The following RGL1 variants were observed in gnomAD, a reference collection of about 807,000 sequenced individuals.
RGL1 encodes the protein ral guanine nucleotide dissociation stimulator like 1.
A neutral mutation model predicts 95.2 loss-of-function variants in RGL1; 24 were observed. That is an observed-to-expected ratio of 0.25 (90% CI 0.18 to 0.35). RGL1 has a LOEUF of 0.35. Among genes scored for constraint, RGL1 ranks in the 10% least tolerant of loss-of-function variants. The pLI is 1.00. For synonymous variants in RGL1, 329 were observed against 344.9 expected (o/e 0.95, Z 0.51); for missense variants, 715 against 936.3 (o/e 0.76, Z 3.08).
Position 183,649,427 on chromosome 1 carries a change from G to T in RGL1, c.-33+12926G>T, listed in dbSNP as rs116524625. Among the ~76,000 whole-genome samples the T allele has an allele frequency of 8.6e-3, 1,314 of 152,266 alleles. 22 individuals carry two copies. Among genetic ancestry groups the T allele is most frequent in the African/African-American group, 0.029 (1,223 of 41,560 alleles). The stretch of plus-strand genomic sequence containing the variant: ...ATGTTAACATCTAATGTATTGTGCA[G>T]AACTATTCAGTGTGCTTGCATTTAA... On this transcript the variant is annotated intron_variant, in intron 1 of 18. Coordinates refer to the RGL1 transcript ENST00000304685.
intron 4 of RGL1, among the ~76,000 whole-genome samples, 186 bp downstream of exon 4, chr1:183,866,259 ACT>A: frequency 6.6e-6 from 1 of 152,178 alleles, no homozygotes; most frequent in East Asian, 1.9e-4. Flanking sequence ...TTAAGTAACC[ACT>A]GTCTGCCAGG....
At chr1:183,892,318 A>G (rs1667472290) in intron 9 of RGL1, among the ~76,000 whole-genome samples, 157 bp downstream of exon 9, 1 of 152,106 alleles carries the variant, frequency 6.6e-6, no homozygotes, top group Admixed American at 6.6e-5. Flanking sequence ...AATCTAAGAA[A>G]CTTGGGGCTG....
chr1:183,688,612 T>A (rs958207123), intron 1 of RGL1, among the ~76,000 whole-genome samples: 5 of 152,194 alleles, frequency 3.3e-5, no homozygotes, highest in African/African-American at 1.2e-4. Context: ...AGACTATTGA[T>A]GCATTTTAAT....
chr1:183,906,981 T>C (rs758544030), intron 13 of RGL1, 31 bp from the exon 14 acceptor site: 2 of 1,287,848 alleles, frequency 1.6e-6, no homozygotes, highest in Non-Finnish European at 2.3e-6. Flanking sequence ...TCTCTAACTT[T>C]GACCTCATGG....
chr1:183,898,042 C>T (rs1667802208), intron 10 of RGL1, 145 bp downstream of exon 10: 1 of 651,788 alleles, frequency 1.5e-6, no homozygotes, highest in Non-Finnish European at 2.7e-6. Flanking sequence ...CATTTGTTCT[C>T]AGCAGCCCTG....
intron 3 of RGL1, among the ~76,000 whole-genome samples, chr1:183,856,974 T>C (rs1253722846): frequency 6.6e-6 from 1 of 152,128 alleles, no homozygotes; most frequent in African/African-American, 2.4e-5. Context: ...GATGTCCACA[T>C]CCTCATCCCT....
intron 1 of RGL1, among the ~76,000 whole-genome samples, chr1:183,706,328 C>G (rs753165220): frequency 6.6e-6 from 1 of 152,034 alleles, no homozygotes; most frequent in African/African-American, 2.4e-5. Context: ...CTGGGTGGGT[C>G]CTGAAAAATT....
upstream of RGL1, among the ~76,000 whole-genome samples, chr1:183,804,436 A>G (rs555013644): frequency 6.6e-6 from 1 of 152,328 alleles, no homozygotes; most frequent in Non-Finnish European, 1.5e-5. Flanking sequence ...CATCTGATGA[A>G]GAACTTTTCC....
chr1:183,843,508 A>AACT (rs770556101), intron 2 of RGL1, among the ~76,000 whole-genome samples: 42 of 152,236 alleles, frequency 2.8e-4, no homozygotes, highest in African/African-American at 6.0e-4. Context: ...CTGGCAGGAA[A>AACT]TGGGACCCAC....
At chr1:183,824,289 C>G (rs781161564) in intron 2 of RGL1, among the ~76,000 whole-genome samples, 1 of 152,134 alleles carries the variant, frequency 6.6e-6, no homozygotes, top group Non-Finnish European at 1.5e-5. Flanking sequence ...AGATTCCGCT[C>G]ATCACATCTG....
intron 1 of RGL1, among the ~76,000 whole-genome samples, chr1:183,729,691 T>C (rs1193192050): frequency 6.6e-6 from 1 of 152,196 alleles, no homozygotes; most frequent in African/African-American, 2.4e-5. Flanking sequence ...TCTTTCACTT[T>C]ATTTAAAGTA....
intron 3 of RGL1, among the ~76,000 whole-genome samples, chr1:183,861,676 T>C (rs1256404974): frequency 6.6e-6 from 1 of 152,240 alleles, no homozygotes; most frequent in African/African-American, 2.4e-5. Flanking sequence ...TGAGTTACCA[T>C]TTAAAGAAGA....
chr1:183,648,285 GC>G, intron 1 of RGL1: 1 of 1,614,178 alleles, frequency 6.2e-7, no homozygotes, highest in Non-Finnish European at 8.5e-7. Flanking sequence ...CCATGCTGAG[GC>G]AGGAAAGTCC....
chr1:183,726,103 G>T (rs947869585), intron 1 of RGL1, among the ~76,000 whole-genome samples: 1 of 152,078 alleles, frequency 6.6e-6, no homozygotes, highest in African/African-American at 2.4e-5. Context: ...GAAAATATTT[G>T]GGGGTAAATG....
At chr1:183,713,731 A>G (rs1655449876) in intron 1 of RGL1, among the ~76,000 whole-genome samples, 1 of 152,202 alleles carries the variant, frequency 6.6e-6, no homozygotes, top group Admixed American at 6.5e-5. Flanking sequence ...TGGACTTTCC[A>G]GCCTCTAGAA....
intron 12 of RGL1, among the ~76,000 whole-genome samples, chr1:183,903,625 C>T (rs1668153791): frequency 6.6e-6 from 1 of 152,076 alleles, no homozygotes; most frequent in Admixed American, 6.6e-5. Context: ...GTTCACAATC[C>T]AGGAGAGAGG....
At chr1:183,874,219 G>C (rs1476907944) in intron 4 of RGL1, among the ~76,000 whole-genome samples, 1 of 152,150 alleles carries the variant, frequency 6.6e-6, no homozygotes, top group Non-Finnish European at 1.5e-5. Context: ...TGGGGCGTAG[G>C]TTAAGGAACA....
intron 1 of RGL1, among the ~76,000 whole-genome samples, chr1:183,717,256 T>TCTA (rs1332814987): frequency 3.3e-5 from 5 of 152,318 alleles, no homozygotes; most frequent in African/African-American, 1.2e-4. Flanking sequence ...CAAATGAAAG[T>TCTA]CTACTGCTTA....
At chr1:183,868,240 A>T (rs1220883090) in intron 4 of RGL1, among the ~76,000 whole-genome samples, 1 of 152,224 alleles carries the variant, frequency 6.6e-6, no homozygotes, top group African/African-American at 2.4e-5. Flanking sequence ...AGTACATGTT[A>T]GGTGAGAGGG....
Sources: gnomAD v4.1 joint callset for allele counts (sites outside exome capture counted in the v4.1 genomes callset) on GRCh38, gnomAD v4.1.1 for gene constraint, MANE v1.5 for transcripts, NCBI Gene and HGNC (gene_info 2026-07-23, HGNC 2026-07-21) for gene names.